The following PEBP4 variants were observed in gnomAD, a reference collection of about 807,000 sequenced individuals.
PEBP4 encodes phosphatidylethanolamine-binding protein 4.
In PEBP4, 22 loss-of-function variants were observed where a neutral mutation model predicts 23.9. The observed-to-expected ratio is 0.92, with a 90% CI of 0.66 to 1.31. The LOEUF is 1.31. Ranked by LOEUF, PEBP4 falls within the 40% of genes most tolerant of loss-of-function variation. The pLI is 0.00. For missense variants in PEBP4, 324 were observed against 281.7 expected (o/e 1.15, Z -1.07); for synonymous variants, 112 against 99.3 (o/e 1.13, Z -0.76).
chr8:22,801,700 C>A (rs547288731), intron 4 of PEBP4, among the ~76,000 whole-genome samples: 1 of 152,096 alleles, frequency 6.6e-6, no homozygotes, highest in Non-Finnish European at 1.5e-5. Context: ...CATCTACACA[C>A]ATGCAATGCA....
At chr8:22,717,757 C>T (rs1804444285) in intron 6 of PEBP4, among the ~76,000 whole-genome samples, 1 of 152,180 alleles carries the variant, frequency 6.6e-6, no homozygotes, top group South Asian at 2.1e-4. Flanking sequence ...TGCCTCTCCT[C>T]TTAGGTAAGG....
In PEBP4 at chr8:22,865,091, T is replaced by C. The variant is rs1414393907; in HGVS notation, c.259-47356A>G. On this transcript the variant is annotated intron_variant, in intron 3 of 6. Transcript: ENST00000256404. This position sits in a 1 kb window ranked among gnomAD's most constrained non-coding sequence, Gnocchi z 6.9. ...ACCTGCAGGGCCAGACGCCGAGCCC[T>C]GGATGCGAGGTGGGGGTAGACAGAA... 6.6e-6 allele frequency among the ~76,000 whole-genome samples: 1 copy of C among 151,590 alleles called. No homozygotes were observed. Among genetic ancestry groups the C allele is most frequent in the Non-Finnish European group, 1.5e-5 (1 of 67,894 alleles).
intron 3 of PEBP4, among the ~76,000 whole-genome samples, chr8:22,915,867 G>T (rs955729382): frequency 6.6e-6 from 1 of 152,208 alleles, no homozygotes; most frequent in Non-Finnish European, 1.5e-5. Context: ...TACAGAGAAG[G>T]GTTGGTAGGG....
Position 22,934,359 on chromosome 8 carries a change from G to A in PEBP4, c.145-6639C>T, listed in dbSNP as rs186929714. 1.2e-4 allele frequency among the ~76,000 whole-genome samples: 18 copies of A among 152,266 alleles called. No homozygotes were observed. The East Asian group carries it at 3.3e-3, about 28-fold the overall frequency. On this transcript the variant is annotated intron_variant, in intron 1 of 1. Transcript: ENST00000522278. Reference sequence around the variant, plus strand: ...AATGTTTGTATGCAATTGAAGTTAAGTTAGTATCAATTCAAATTAGATCAT... The same window carrying A: ...AATGTTTGTATGCAATTGAAGTTAAATTAGTATCAATTCAAATTAGATCAT...
intron 1 of PEBP4, among the ~76,000 whole-genome samples, chr8:22,936,620 A>G (rs1333904187): frequency 6.6e-6 from 1 of 152,192 alleles, no homozygotes; most frequent in Non-Finnish European, 1.5e-5. Flanking sequence ...CGTTACTATG[A>G]TACCAAAGCC....
At chr8:22,873,660 AC>A (rs529623723) in intron 3 of PEBP4, among the ~76,000 whole-genome samples, 1 of 152,126 alleles carries the variant, frequency 6.6e-6, no homozygotes, top group Admixed American at 6.5e-5. Flanking sequence ...GAACAAAGTA[AC>A]CCTGTGAATA....
intron 4 of PEBP4, among the ~76,000 whole-genome samples, chr8:22,783,034 C>T (rs1275739494): frequency 2.0e-5 from 3 of 152,330 alleles, no homozygotes; most frequent in Admixed American, 2.0e-4. Context: ...CCAGAGGGTA[C>T]TGGCCAGGCA....
intron 4 of PEBP4, among the ~76,000 whole-genome samples, chr8:22,773,597 G>C (rs6557593): frequency 0.24 from 37,209 of 152,000 alleles, 4,786 homozygotes; most frequent in East Asian, 0.31. Context: ...GCTCATACCC[G>C]AAGCTAGCAA....
intron 3 of PEBP4, among the ~76,000 whole-genome samples, chr8:22,839,556 T>C (rs1011543624): frequency 5.3e-5 from 8 of 152,158 alleles, no homozygotes; most frequent in African/African-American, 1.9e-4. Flanking sequence ...TACTACAACA[T>C]AGTGAGGGTT....
intron 4 of PEBP4, among the ~76,000 whole-genome samples, chr8:22,749,076 G>C (rs192227683): frequency 6.6e-6 from 1 of 152,170 alleles, no homozygotes; most frequent in East Asian, 1.9e-4. Context: ...GGAACAGGAG[G>C]GGTGTCCCAT....
chr8:22,855,910 T>C (rs1394844458), intron 3 of PEBP4, among the ~76,000 whole-genome samples: 1 of 151,764 alleles, frequency 6.6e-6, no homozygotes, highest in African/African-American at 2.4e-5. Flanking sequence ...GGTATGGTGG[T>C]GCACGCCTGT....
intron 3 of PEBP4, chr8:22,884,836 T>C (rs1227214194): frequency 6.6e-6 from 1 of 152,234 alleles, no homozygotes; most frequent in Non-Finnish European, 1.5e-5. Flanking sequence ...ATCTGTCTTA[T>C]TCCCTTTATC....
At chr8:22,795,163 A>ATATTTTTTTTTTTTTTT (rs1563218555) in intron 4 of PEBP4, among the ~76,000 whole-genome samples, 1 of 47,346 alleles carries the variant, frequency 2.1e-5, no homozygotes, top group African/African-American at 1.0e-4. Flanking sequence ...ATATATATAT[A>ATATTTTTTTTTTTTTTT]TTTTTTTTTT....
intron 4 of PEBP4, among the ~76,000 whole-genome samples, chr8:22,805,040 T>C (rs1806466996): frequency 6.6e-6 from 1 of 152,138 alleles, no homozygotes; most frequent in Non-Finnish European, 1.5e-5. Context: ...AGGACTCAAC[T>C]CCATCCTAAC....
chr8:22,863,673 T>C (rs967864395), intron 3 of PEBP4, among the ~76,000 whole-genome samples: 2 of 152,304 alleles, frequency 1.3e-5, no homozygotes, highest in Middle Eastern at 3.4e-3. Context: ...AGACAGGCGC[T>C]GTGTGCGTCG....
chr8:22,754,485 T>C (rs12550120), intron 4 of PEBP4, among the ~76,000 whole-genome samples: 127,488 of 152,152 alleles, frequency 0.84, 54,653 homozygotes, highest in East Asian at 0.92. Context: ...AGTAGATGCC[T>C]GGGAGATCTT....
intron 6 of PEBP4, among the ~76,000 whole-genome samples, chr8:22,718,825 C>T (rs1335160028): frequency 6.6e-6 from 1 of 152,178 alleles, no homozygotes; most frequent in Non-Finnish European, 1.5e-5. Context: ...GCAGGGCCCC[C>T]TTTCCTCTCA....
chr8:22,748,605 A>G (rs2313168), intron 4 of PEBP4, among the ~76,000 whole-genome samples: 134,817 of 150,582 alleles, frequency 0.9, 60,906 homozygotes, highest in East Asian at 1. Flanking sequence ...GGGTGGTCTG[A>G]GGGGAGAACA....
chr8:22,879,652 G>A (rs768264008), intron 3 of PEBP4, among the ~76,000 whole-genome samples: 20 of 152,196 alleles, frequency 1.3e-4, no homozygotes, highest in Non-Finnish European at 1.6e-4. Context: ...CACGAGGGTC[G>A]AGGGTCGGGG....
Sources: allele counts gnomAD v4.1 joint callset (sites outside exome capture counted in the v4.1 genomes callset), GRCh38; gene constraint gnomAD v4.1.1; non-coding constraint Gnocchi (gnomAD v3.1); transcripts MANE v1.5; gene names NCBI Gene and HGNC (gene_info 2026-07-23, HGNC 2026-07-21).